The following ACSF3 variants were observed in gnomAD, a reference collection of about 807,000 sequenced individuals.
The protein encoded by ACSF3 is malonate--CoA ligase ACSF3, mitochondrial.
ACSF3 carries 78 observed loss-of-function variants against 53.2 expected under a neutral mutation model. The ratio of observed to expected loss-of-function variants is 1.47; its 90% confidence interval spans 1.22 to 1.77. The LOEUF is 1.77. Among genes scored for constraint, ACSF3 ranks in the 40% most tolerant of loss-of-function variants. The pLI is 0.00. For missense variants in ACSF3, 937 were observed against 771.1 expected, an observed-to-expected ratio of 1.22 and a Z score of -2.55; for synonymous variants, 414 against 333.1, an observed-to-expected ratio of 1.24 and a Z score of -2.65.
chr16:89,106,160 T>A, intron 4 of ACSF3, among the ~76,000 whole-genome samples: 1 of 152,242 alleles, frequency 6.6e-6, no homozygotes. Context: ...TGCTGTCATC[T>A]TCCAGACACT....
chr16:89,128,479 C>T (rs573973293), intron 7 of ACSF3, among the ~76,000 whole-genome samples: 23 of 152,056 alleles, frequency 1.5e-4, no homozygotes, highest in African/African-American at 5.3e-4. Context: ...AGGCTGGTTT[C>T]GAACTCCTGA....
intron 10 of ACSF3, chr16:89,147,980 TG>T (rs1271579656): frequency 6.6e-6 from 1 of 152,022 alleles, no homozygotes; most frequent in East Asian, 1.9e-4. Context: ...GTGCAGGCAT[TG>T]GGTAAATACA....
At chr16:89,097,071 G>A (rs184864025) in intron 1 of ACSF3, among the ~76,000 whole-genome samples, 32 of 152,362 alleles carry the variant, frequency 2.1e-4, no homozygotes, top group African/African-American at 5.8e-4. Context: ...TTATTCTTCC[G>A]TGGCTTCGCC....
At chr16:89,117,908 C>G (rs1905474442) in intron 6 of ACSF3, among the ~76,000 whole-genome samples, 1 of 152,072 alleles carries the variant, frequency 6.6e-6, no homozygotes, top group African/African-American at 2.4e-5. Context: ...CAGGTTCCCT[C>G]GGGTGCCGGG....
intron 10 of ACSF3, chr16:89,153,397 GC>G (rs1447986818): frequency 6.4e-6 from 1 of 155,900 alleles, no homozygotes; most frequent in Non-Finnish European, 1.4e-5. Flanking sequence ...CCTGCCCACT[GC>G]CCTCGGCCCC....
intron 8 of ACSF3, among the ~76,000 whole-genome samples, chr16:89,139,591 G>GTT (rs56177880): frequency 4.4e-4 from 49 of 111,166 alleles, no homozygotes; most frequent in African/African-American, 7.2e-4. Flanking sequence ...TTTTTTTTCT[G>GTT]TTTTTTTTTT....
At chr16:89,111,032 T>C (rs1420278185) in intron 4 of ACSF3, among the ~76,000 whole-genome samples, 1 of 152,264 alleles carries the variant, frequency 6.6e-6, no homozygotes. Context: ...TTCAGTTTTA[T>C]GATTTTTTGC....
At chr16:89,104,572 A>G (rs542269071) in intron 4 of ACSF3, among the ~76,000 whole-genome samples, 1 of 152,292 alleles carries the variant, frequency 6.6e-6, no homozygotes, top group Non-Finnish European at 1.5e-5. Context: ...TTTCGCCAGG[A>G]AGGGGTCCCT....
chr16:89,112,018 C>T, intron 4 of ACSF3, 74 bp from the exon 5 acceptor site: 3 of 164,744 alleles, frequency 1.8e-5, no homozygotes, highest in East Asian at 2.2e-4. Flanking sequence ...AACGCTGTGC[C>T]TGGAGCCAGG....
At position 89,098,619 on chromosome 16, in the gene ACSF3, G is replaced by GCCAGGCCTGGTGCCTGCC; in HGVS notation, c.-159_-142dup. ...TCCCACCGGCCTTCCGGGTTCCAGC[G>GCCAGGCCTGGTGCCTGCC]CCAGGCCTGGTGCCTGCCCCAGGAG... On this transcript the variant is annotated 5_prime_UTR_variant, in exon 2 of 11. Transcript: ENST00000614302. The GCCAGGCCTGGTGCCTGCC allele has an allele frequency of 2.2e-6, 1 of 453,050 alleles. No individual in the cohort carries two copies. 28.1% of individuals were successfully genotyped at this position (453,050 alleles called of 1,614,324 possible).
At chr16:89,131,997 G>A (rs374434166) in intron 7 of ACSF3, among the ~76,000 whole-genome samples, 51 of 152,322 alleles carry the variant, frequency 3.3e-4, no homozygotes, top group African/African-American at 1.2e-3. Context: ...TGTGGGGCAG[G>A]TGTTTCACCC....
chr16:89,102,773 A>C lies in ACSF3; in HGVS notation c.822+14A>C. ...AGCCCTCAGCAGGTGAGTTGGGGTC[A>C]GGGCTCTCGGTTGCACCCTCAGACT... is the stretch of plus-strand genomic sequence containing the variant. On this transcript the variant is annotated intron_variant, in intron 4 of 10. Transcript: ENST00000614302. 6.2e-7 allele frequency: 1 copy of C among 1,602,830 alleles called. No homozygotes were observed. The highest frequency in any genetic ancestry group is 8.5e-7 in the Non-Finnish European group (1 of 1,174,528).
intron 5 of ACSF3, among the ~76,000 whole-genome samples, chr16:89,112,725 C>T (rs1194202792): frequency 1.3e-5 from 2 of 152,304 alleles, no homozygotes; most frequent in Admixed American, 1.3e-4. Flanking sequence ...TGTCTGCTCT[C>T]TCTCCTGTCC....
chr16:89,101,052 C>G lies in ACSF3; in HGVS notation c.371C>G (p.Pro124Arg), dbSNP rs1292276846. Reference protein sequence around the residue: ...ASWMSGGVAVPLYRKHPAAQL... With the variant: ...ASWMSGGVAVRLYRKHPAAQL... ...TGGATGAGTGGCGGTGTGGCAGTCC[C>G]CCTCTACAGGAAGCATCCCGCGGCC... Residue 124 changes from proline to arginine, a missense_variant, in exon 3 of 11, where the codon CCC becomes CGC. Physicochemically the swap from Pro to Arg is moderately radical, Grantham distance 103. Coordinates refer to ENST00000614302, the MANE Select transcript of ACSF3 (RefSeq NM_001243279.3). 6.2e-7 allele frequency: 1 copy of G among 1,614,036 alleles called. No individual in the cohort carries two copies. The highest frequency in any genetic ancestry group is 2.2e-5 in the East Asian group (1 of 44,880).
chr16:89,136,496 C>T (rs1910500279), intron 8 of ACSF3: 1 of 1,226,002 alleles, frequency 8.2e-7, no homozygotes, highest in Non-Finnish European at 1.0e-6. Flanking sequence ...GCCGGGAGAG[C>T]ATGATATTAA....
rs917317794 is a variant in ACSF3, at chr16:89,097,554, C to T, written c.-193-1037C>T. 2.0e-5 allele frequency among the ~76,000 whole-genome samples: 3 copies of T among 152,234 alleles called. No homozygotes were observed. The South Asian group carries it at 6.2e-4, about 31-fold the overall frequency. ...TTCTCCTTGTTTCTGTGCCCTCACA[C>T]CTGTAAAGCAGTGCAGGATCGGTTG... On this transcript the variant is annotated intron_variant, in intron 1 of 10. Transcript: ENST00000614302.
chr16:89,124,564 A>T (rs76665844), intron 7 of ACSF3, among the ~76,000 whole-genome samples: 1 of 18,208 alleles, frequency 5.5e-5, no homozygotes, highest in East Asian at 4.5e-4. Context: ...TATGTGTGTG[A>T]GATACCCATG....
chr16:89,098,367 C>T (rs564612707), intron 1 of ACSF3, among the ~76,000 whole-genome samples: 3 of 152,288 alleles, frequency 2.0e-5, no homozygotes, highest in East Asian at 3.9e-4. Flanking sequence ...TGAACATGGG[C>T]ACAGATCCCA....
chr16:89,133,045 G>A, intron 7 of ACSF3, 91 bp from the exon 8 acceptor site: 2 of 1,573,902 alleles, frequency 1.3e-6, no homozygotes, highest in Middle Eastern at 4.6e-4. Flanking sequence ...GGTGGGCCCT[G>A]GGTGGGCAGG....
Sources: gnomAD v4.1 joint callset for allele counts (sites outside exome capture counted in the v4.1 genomes callset) on GRCh38, gnomAD v4.1.1 for gene constraint, MANE v1.5 for transcripts, NCBI Gene and HGNC (gene_info 2026-07-23, HGNC 2026-07-21) for gene names.